Variants in TIPRL observed in about 807,000 individuals in gnomAD.
The protein encoded by TIPRL is TIP41-like protein.
In TIPRL, 10 loss-of-function variants were observed where a neutral mutation model predicts 32.3. The observed-to-expected ratio is 0.31, with a 90% CI of 0.19 to 0.52. TIPRL has a LOEUF of 0.52. TIPRL is among the 20% of genes least tolerant of loss of function. The pLI, the probability that TIPRL is intolerant of heterozygous loss-of-function variation, is 0.96. For missense variants in TIPRL, 250 were observed against 328.1 expected, an observed-to-expected ratio of 0.76 and a Z score of 1.84; for synonymous variants, 100 against 114.0, an observed-to-expected ratio of 0.88 and a Z score of 0.78.
chr1:168,184,628 C>T, intron 2 of TIPRL, 151 bp from the exon 3 acceptor site: 1 of 644,434 alleles, frequency 1.6e-6, no homozygotes, highest in Admixed American at 3.1e-5. Flanking sequence ...TGCAGAAAAA[C>T]TGTAAGAAAA....
chr1:168,190,564 A>G (rs1700084143), intron 3 of TIPRL, among the ~76,000 whole-genome samples: 1 of 151,822 alleles, frequency 6.6e-6, no homozygotes. Context: ...CATTTACTAA[A>G]TATCTATGGT....
intron 4 of TIPRL, among the ~76,000 whole-genome samples, chr1:168,191,789 G>A (rs1016893389): frequency 1.3e-5 from 2 of 148,226 alleles, no homozygotes; most frequent in East Asian, 2.0e-4. Context: ...GGAGAGTAGC[G>A]TGAACCCAAG....
In TIPRL at chr1:168,200,203, A is replaced by C. The variant is rs934948876; in HGVS notation, c.*157A>C. ...ATAAAGATCGTTACAGGCAGGTTTCACTCAACTGCTGTTTGTACTGTCTGT... is the reference window on the plus strand; with the variant it reads ...ATAAAGATCGTTACAGGCAGGTTTCCCTCAACTGCTGTTTGTACTGTCTGT... On this transcript the variant is annotated 3_prime_UTR_variant, in exon 7 of 7. Coordinates refer to ENST00000367833, the MANE Select transcript of TIPRL (RefSeq NM_152902.5). 1.4e-6 allele frequency: 1 copy of C among 700,002 alleles called. No homozygotes were observed. Among genetic ancestry groups the C allele is most frequent in the African/African-American group, 1.8e-5 (1 of 54,962 alleles). 43.4% of individuals were successfully genotyped at this position (700,002 alleles called of 1,614,324 possible).
rs1400465671 is a variant in TIPRL, at chr1:168,201,769, TCGTGTGTG to T, written c.*1724_*1731del. The T allele has an allele frequency of 9.1e-6, 1 of 109,848 alleles. No individual in the cohort carries two copies. The highest frequency in any genetic ancestry group is 1.1e-4 in the Admixed American group (1 of 9,130). The allele number at this position is 109,848 out of a possible 1,614,324, so 6.8% of individuals were successfully genotyped here. A position where few individuals can be genotyped will look rare whatever the true frequency, so the allele number is the denominator to read the frequency against. On this transcript the variant is annotated 3_prime_UTR_variant, in exon 7 of 7. Transcript: ENST00000367833. Reference sequence around the variant, plus strand: ...CATTAATTGGAGCTTCTGGGCAACATCGTGTGTGTGTGTGTGTGTGTGTGTGTGTGTGT... The same window carrying T: ...CATTAATTGGAGCTTCTGGGCAACATTGTGTGTGTGTGTGTGTGTGTGTGT...
intron 4 of TIPRL, chr1:168,192,133 G>T: frequency 7.4e-7 from 1 of 1,356,196 alleles, no homozygotes. Flanking sequence ...CAGACGGCAA[G>T]GTGGATGTCA....
chr1:168,194,015 CTT>C (rs1430656748), intron 4 of TIPRL, among the ~76,000 whole-genome samples: 1 of 152,134 alleles, frequency 6.6e-6, no homozygotes. Context: ...ATCAGTGACT[CTT>C]AACACAATTT....
chr1:168,193,916 A>G (rs1189272341), intron 4 of TIPRL, among the ~76,000 whole-genome samples: 1 of 152,208 alleles, frequency 6.6e-6, no homozygotes, highest in Non-Finnish European at 1.5e-5. Flanking sequence ...CCAAAGACAT[A>G]ATGAAGCAGT....
Position 168,191,441 on chromosome 1 carries a change from G to T in TIPRL, c.457G>T (p.Val153Phe). 6.5e-7 allele frequency: 1 copy of T among 1,534,596 alleles called. No homozygotes were observed. Among genetic ancestry groups the T allele is most frequent in the Non-Finnish European group, 8.7e-7 (1 of 1,151,102 alleles). Residue 153 changes from valine to phenylalanine, a missense_variant, in exon 4 of 7, where the codon GTT (valine) becomes TTT (phenylalanine). Transcript: ENST00000367833. ...AREQIKFFEE[V>F]LLFEDELHDH... ...AGAACAGATTAAGTTTTTTGAAGAAGTTCTCCTTTTTGAGGATGAACTTCA... is the reference window on the plus strand; with the variant it reads ...AGAACAGATTAAGTTTTTTGAAGAATTTCTCCTTTTTGAGGATGAACTTCA...
At chr1:168,179,711 G>A (rs1043406247) in intron 1 of TIPRL, among the ~76,000 whole-genome samples, 1 of 152,138 alleles carries the variant, frequency 6.6e-6, no homozygotes, top group Non-Finnish European at 1.5e-5. Flanking sequence ...TTAGGGGCTC[G>A]AACCATCTGG....
chr1:168,187,196 A>C (rs758245989), intron 3 of TIPRL, among the ~76,000 whole-genome samples: 25 of 152,240 alleles, frequency 1.6e-4, no homozygotes, highest in Non-Finnish European at 2.9e-4. Context: ...TTCATAGATT[A>C]GTGTTCTCCT....
In TIPRL at chr1:168,201,359, G is replaced by A. The variant is rs544892786; in HGVS notation, c.*1313G>A. Reference sequence around the variant, plus strand: ...TTTAAAGTATTAGCCAACCTCTTCAGGTATTAGCCTGAAGATAAATTTTAA... The same window carrying A: ...TTTAAAGTATTAGCCAACCTCTTCAAGTATTAGCCTGAAGATAAATTTTAA... On this transcript the variant is annotated 3_prime_UTR_variant, in exon 7 of 7. Transcript: ENST00000367833. The A allele has an allele frequency of 2.6e-5, 4 of 152,148 alleles. No homozygotes were observed. In the South Asian group the frequency reaches 8.3e-4, roughly 32 times the overall value. 9.4% of individuals were successfully genotyped at this position (152,148 alleles called of 1,614,324 possible). A position where few individuals can be genotyped will look rare whatever the true frequency, so the allele number is the denominator to read the frequency against.
chr1:168,190,619 G>A (rs1476832997), intron 3 of TIPRL, among the ~76,000 whole-genome samples: 2 of 152,262 alleles, frequency 1.3e-5, no homozygotes, highest in East Asian at 3.9e-4. Context: ...CTGTCAAGGA[G>A]TAAAACAGCT....
chr1:168,199,837 C>T (rs1364923533), intron 6 of TIPRL, 66 bp from the exon 7 acceptor site: 1 of 1,527,002 alleles, frequency 6.5e-7, no homozygotes, highest in Non-Finnish European at 8.8e-7. Flanking sequence ...ATGCTTGAAC[C>T]AAAACATTTG....
Position 168,179,147 on chromosome 1 carries a change from A to C in TIPRL, c.70A>C (p.Lys24Gln). Reference protein sequence around the residue: ...CFGPWKLTASKTHIMKSADVE... With the variant: ...CFGPWKLTASQTHIMKSADVE... ...CGGGCCCTGGAAGCTGACGGCGTCC[A>C]AGACCCACATCATGAAGTCGGCGGA... is the stretch of plus-strand genomic sequence containing the variant. The change falls in exon 1 of 7, where the codon AAG becomes CAG. Residue 24 changes from lysine to glutamine, a missense_variant. Transcript: ENST00000367833. 6.2e-7 allele frequency: 1 copy of C among 1,614,030 alleles called. No individual in the cohort carries two copies. Among genetic ancestry groups the C allele is most frequent in the Non-Finnish European group, 8.5e-7 (1 of 1,179,956 alleles).
intron 4 of TIPRL, among the ~76,000 whole-genome samples, 153 bp downstream of exon 4, chr1:168,191,653 G>T (rs1235695090): frequency 6.6e-6 from 1 of 151,800 alleles, no homozygotes; most frequent in Non-Finnish European, 1.5e-5. Context: ...GGGCTGGATC[G>T]CCAGGTCAGG....
chr1:168,178,964 G>A lies in TIPRL; in HGVS notation c.-114G>A, dbSNP rs1236515824. 2 of 914,486 alleles carry A rather than the reference G, an allele frequency of 2.2e-6. No individual in the cohort carries two copies. The highest frequency in any genetic ancestry group is 3.4e-5 in the African/African-American group (2 of 58,840). 56.6% of individuals were successfully genotyped at this position (914,486 alleles called of 1,614,324 possible). The stretch of plus-strand genomic sequence containing the variant: ...GCCGGCAGGGGGCGGGGCCGGGCAT[G>A]GTAACGGCTCGGAAGCCTAGGAGGC... On this transcript the variant is annotated 5_prime_UTR_variant, in exon 1 of 7. It removes an upstream start codon present in the reference 5' UTR. Transcript: ENST00000367833.
intron 4 of TIPRL, among the ~76,000 whole-genome samples, chr1:168,193,490 C>T (rs956085462): frequency 6.6e-6 from 1 of 151,998 alleles, no homozygotes; most frequent in African/African-American, 2.4e-5. Context: ...TTCAGTTCAC[C>T]TAGTCTTGTA....
chr1:168,199,236 C>T (rs1038787196), intron 6 of TIPRL, among the ~76,000 whole-genome samples: 7 of 152,102 alleles, frequency 4.6e-5, no homozygotes, highest in African/African-American at 1.7e-4. Context: ...GAAATTGAAA[C>T]CCAGAGGTGT....
Position 168,178,970 on chromosome 1 carries a change from G to A in TIPRL, c.-108G>A. On this transcript the variant is annotated 5_prime_UTR_variant, in exon 1 of 7. Coordinates refer to ENST00000367833, the MANE Select transcript of TIPRL (RefSeq NM_152902.5). ...AGGGGGCGGGGCCGGGCATGGTAAC[G>A]GCTCGGAAGCCTAGGAGGCTGGGCC... 4.1e-6 allele frequency: 4 copies of A among 974,122 alleles called. No individual in the cohort carries two copies. The highest frequency in any genetic ancestry group is 3.0e-6 in the Non-Finnish European group (2 of 675,776). The allele number at this position is 974,122 out of a possible 1,614,324, so 60.3% of individuals were successfully genotyped here. A position where few individuals can be genotyped will look rare whatever the true frequency, so the allele number is the denominator to read the frequency against.
Sources: gnomAD v4.1 joint callset for allele counts (sites outside exome capture counted in the v4.1 genomes callset) on GRCh38, gnomAD v4.1.1 for gene constraint, MANE v1.5 for transcripts, NCBI Gene and HGNC (gene_info 2026-07-23, HGNC 2026-07-21) for gene names.